Variants in LPGAT1 observed in about 807,000 individuals in gnomAD.
LPGAT1 encodes the protein acyl-CoA:lysophosphatidylglycerol acyltransferase 1.
Under a neutral mutation model 47.5 loss-of-function variants are expected in LPGAT1, and 11 were observed. The ratio of observed to expected loss-of-function variants is 0.23; its 90% CI spans 0.15 to 0.38. The LOEUF is 0.38. Ranked by LOEUF, LPGAT1 falls within the 10% of genes least tolerant of loss-of-function variation. The pLI is 1.00. For synonymous variants in LPGAT1, 138 were observed against 144.2 expected (o/e 0.96, Z 0.31); for missense variants, 293 against 439.0 (o/e 0.67, Z 2.97).
At chr1:211,824,065 T>C (rs915186057) in intron 2 of LPGAT1, among the ~76,000 whole-genome samples, 21 of 152,060 alleles carry the variant, frequency 1.4e-4, no homozygotes, top group African/African-American at 4.8e-4. Context: ...TTCAGGAAGG[T>C]AGGCAGCTAG....
intron 2 of LPGAT1, among the ~76,000 whole-genome samples, chr1:211,809,041 C>CAAA (rs879579584): frequency 7.6e-6 from 1 of 132,394 alleles, no homozygotes; most frequent in Non-Finnish European, 1.6e-5. Flanking sequence ...ACTAAAAATA[C>CAAA]AAAAAAAAAA....
intron 2 of LPGAT1, among the ~76,000 whole-genome samples, chr1:211,814,593 C>G (rs1301929318): frequency 6.6e-6 from 1 of 152,156 alleles, no homozygotes; most frequent in Non-Finnish European, 1.5e-5. Flanking sequence ...GAACAGTTTC[C>G]TAATACACTA....
chr1:211,830,722 C>G lies in LPGAT1; in HGVS notation c.-177G>C, dbSNP rs1479862669. Reference sequence around the variant, plus strand: ...GCCCGCGCCCGTTCCCCGGCGGCGCCGAGACTCGGTCCCCAAGGGCCCGGC... The same window carrying G: ...GCCCGCGCCCGTTCCCCGGCGGCGCGGAGACTCGGTCCCCAAGGGCCCGGC... On this transcript the variant is annotated 5_prime_UTR_variant, in exon 1 of 8. Coordinates refer to ENST00000366997, the MANE Select transcript of LPGAT1 (RefSeq NM_014873.3). The surrounding 1 kb of genome is among the most constrained non-coding windows in gnomAD (Gnocchi z 5.9). The G allele has an allele frequency of 3.4e-6, 4 of 1,179,606 alleles. No individual in the cohort carries two copies. The Admixed American group carries it at 1.4e-4, about 40-fold the overall frequency. 73.1% of individuals were successfully genotyped at this position (1,179,606 alleles called of 1,614,324 possible).
At chr1:211,829,421 CG>C (rs1558288619) in intron 1 of LPGAT1, 98 bp from the exon 2 acceptor site, 1 of 1,511,584 alleles carries the variant, frequency 6.6e-7, no homozygotes, top group African/African-American at 1.4e-5. Context: ...AATAAAACAG[CG>C]AGGGTCGAAG....
chr1:211,793,713 G>A (rs972718316), intron 2 of LPGAT1, among the ~76,000 whole-genome samples: 15 of 152,130 alleles, frequency 9.9e-5, no homozygotes, highest in African/African-American at 3.4e-4. Context: ...GATTACAGGC[G>A]TGAGCCACTG....
At chr1:211,770,496 T>C (rs1658118885) in intron 6 of LPGAT1, among the ~76,000 whole-genome samples, 1 of 152,210 alleles carries the variant, frequency 6.6e-6, no homozygotes, top group Non-Finnish European at 1.5e-5. Flanking sequence ...GCTGTTTACA[T>C]ACATAGTCAT....
intron 6 of LPGAT1, among the ~76,000 whole-genome samples, chr1:211,769,689 A>C (rs1381637842): frequency 6.6e-6 from 1 of 152,210 alleles, no homozygotes; most frequent in Non-Finnish European, 1.5e-5. Context: ...TAGACCATAT[A>C]AGGTAACTTC....
chr1:211,755,181 C>CA (rs954076146), intron 6 of LPGAT1, among the ~76,000 whole-genome samples: 1 of 149,618 alleles, frequency 6.7e-6, no homozygotes, highest in Non-Finnish European at 1.5e-5. Flanking sequence ...ACTAAAAATA[C>CA]AAAAAAATTA....
chr1:211,766,025 G>A (rs1657897706), intron 6 of LPGAT1, among the ~76,000 whole-genome samples: 1 of 152,160 alleles, frequency 6.6e-6, no homozygotes, highest in South Asian at 2.1e-4. Flanking sequence ...CTCTGCTTGA[G>A]CTGGGCCATA....
chr1:211,756,841 C>G (rs1390814130), intron 6 of LPGAT1, among the ~76,000 whole-genome samples: 1 of 151,238 alleles, frequency 6.6e-6, no homozygotes, highest in South Asian at 2.1e-4. Context: ...TTCCCTTCTA[C>G]AACAGTGTTT....
At chr1:211,776,126 T>A (rs1176643959) in intron 6 of LPGAT1, among the ~76,000 whole-genome samples, 3 of 152,044 alleles carry the variant, frequency 2.0e-5, no homozygotes, top group Non-Finnish European at 2.9e-5. Flanking sequence ...TTTTACCAAC[T>A]ACATTATTTC....
chr1:211,752,890 T>A (rs1379071075), intron 6 of LPGAT1, among the ~76,000 whole-genome samples: 2 of 151,954 alleles, frequency 1.3e-5, no homozygotes, highest in Non-Finnish European at 2.9e-5. Context: ...TATTTAAAGT[T>A]GACACAGGCT....
intron 6 of LPGAT1, among the ~76,000 whole-genome samples, chr1:211,770,921 G>A (rs1042072076): frequency 2.3e-4 from 35 of 151,826 alleles, no homozygotes; most frequent in Non-Finnish European, 4.4e-5. Flanking sequence ...ACATGGTAAA[G>A]CCCCATCTCT....
In LPGAT1 at chr1:211,747,591, G is replaced by A. The variant is rs1467506476; in HGVS notation, c.*2308C>T. The A allele has an allele frequency of 6.6e-6, 1 of 152,184 alleles. No individual in the cohort carries two copies. The highest frequency in any genetic ancestry group is 1.5e-5 in the Non-Finnish European group (1 of 68,036). The allele number at this position is 152,184 out of a possible 1,614,324, so 9.4% of individuals were successfully genotyped here. A position where few individuals can be genotyped will look rare whatever the true frequency, so the allele number is the denominator to read the frequency against. On this transcript the variant is annotated 3_prime_UTR_variant, in exon 8 of 8. Coordinates refer to ENST00000366997, the MANE Select transcript of LPGAT1 (RefSeq NM_014873.3). ...GGAGAACTGGTCACTCTACCCTGTG[G>A]CTTGCTGTAGCAATGAGGAAAAGGT...
chr1:211,830,561 G>T lies in LPGAT1; in HGVS notation c.-28+12C>A, dbSNP rs1660702471. 2 of 1,202,524 alleles carry T rather than the reference G, an allele frequency of 1.7e-6. No individual in the cohort carries two copies. Among genetic ancestry groups the T allele is most frequent in the Non-Finnish European group, 2.1e-6 (2 of 969,136 alleles). 74.5% of individuals were successfully genotyped at this position (1,202,524 alleles called of 1,614,324 possible). ...CCGCTCTGGGGCCTGCGACCGCGGA[G>T]CCGGAGGTTACCTCGGGCTGGCCGG... On this transcript the variant is annotated intron_variant, in intron 1 of 7. Transcript: ENST00000366997. This position sits in a 1 kb window ranked among gnomAD's most constrained non-coding sequence, Gnocchi z 5.9.
At chr1:211,766,666 C>A (rs990355402) in intron 6 of LPGAT1, among the ~76,000 whole-genome samples, 17 of 152,314 alleles carry the variant, frequency 1.1e-4, no homozygotes, top group African/African-American at 4.1e-4. Flanking sequence ...TGGTTGTTTA[C>A]CCTCATGATC....
intron 6 of LPGAT1, among the ~76,000 whole-genome samples, chr1:211,775,224 G>C (rs1658348612): frequency 6.6e-6 from 1 of 152,326 alleles, no homozygotes; most frequent in East Asian, 1.9e-4. Flanking sequence ...GGCTGAGGCA[G>C]GAGAATTGCT....
chr1:211,778,125 A>G (rs1571718817), intron 6 of LPGAT1, among the ~76,000 whole-genome samples: 1 of 152,064 alleles, frequency 6.6e-6, no homozygotes, highest in Non-Finnish European at 1.5e-5. Flanking sequence ...GGCGGATCAC[A>G]AGGTCAGGAG....
chr1:211,756,996 C>T (rs1476976791), intron 6 of LPGAT1, among the ~76,000 whole-genome samples: 2 of 151,744 alleles, frequency 1.3e-5, no homozygotes, highest in African/African-American at 4.8e-5. Context: ...CGGTGGCTCA[C>T]ACCTGTAATC....
Sources: allele counts gnomAD v4.1 joint callset (sites outside exome capture counted in the v4.1 genomes callset), GRCh38; gene constraint gnomAD v4.1.1; non-coding constraint Gnocchi (gnomAD v3.1); transcripts MANE v1.5; gene names NCBI Gene and HGNC (gene_info 2026-07-23, HGNC 2026-07-21).